Variants in OR11A1 observed in about 807,000 individuals in gnomAD.
The protein encoded by OR11A1 is olfactory receptor 11A1.
For missense variants in OR11A1, 380 were observed against 378.2 expected (o/e 1.00, Z -0.04); for synonymous variants, 158 against 152.2 (o/e 1.04, Z -0.28).
chr6:29,426,343 A>G lies in OR11A1; in HGVS notation c.*351T>C, dbSNP rs921036661. On this transcript the variant is annotated 3_prime_UTR_variant, in exon 5 of 5. Coordinates refer to ENST00000377149, the MANE Select transcript of OR11A1 (RefSeq NM_001394828.1). ...AGCTAAATTATGAAAACATATGGAT[A>G]CATAGAGGGGAACAACACACTGAAT... 5.4e-5 allele frequency: 12 copies of G among 221,416 alleles called. No individual in the cohort carries two copies. Among genetic ancestry groups the G allele is most frequent in the African/African-American group, 2.7e-4 (12 of 44,064 alleles). The allele number at this position is 221,416 out of a possible 1,614,324, so 13.7% of individuals were successfully genotyped here.
chr6:29,456,801 C>T (rs1786378441), intron 1 of OR11A1, among the ~76,000 whole-genome samples, 186 bp downstream of exon 1: 2 of 152,168 alleles, frequency 1.3e-5, no homozygotes. Flanking sequence ...TTTCTATGGG[C>T]CAGCAATTCA....
intron 1 of OR11A1, among the ~76,000 whole-genome samples, chr6:29,436,962 C>T (rs1341110015): frequency 6.6e-6 from 1 of 152,226 alleles, no homozygotes; most frequent in Non-Finnish European, 1.5e-5. Flanking sequence ...GCAGCGGCTG[C>T]TTTCGAAAAG....
chr6:29,431,658 T>A (rs570751794), intron 2 of OR11A1, among the ~76,000 whole-genome samples: 3 of 152,190 alleles, frequency 2.0e-5, no homozygotes, highest in African/African-American at 7.2e-5. Flanking sequence ...TTTAAAAACA[T>A]CCAATGGAGA....
chr6:29,451,593 A>G (rs1370850852), intron 1 of OR11A1, among the ~76,000 whole-genome samples: 1 of 152,238 alleles, frequency 6.6e-6, no homozygotes, highest in African/African-American at 2.4e-5. Flanking sequence ...AAAATGCCCA[A>G]TATCACTATT....
At chr6:29,455,497 T>G (rs1785993593) in intron 1 of OR11A1, among the ~76,000 whole-genome samples, 1 of 152,208 alleles carries the variant, frequency 6.6e-6, no homozygotes, top group African/African-American at 2.4e-5. Context: ...GTTGACAACA[T>G]TGTATTATAT....
chr6:29,427,590 CAAG>C lies in OR11A1; in HGVS notation c.49_51del (p.Leu17del). ...TGCAGTTCAGGGATGTCATAGAAGC[CAAG>C]GAGGACAAATTCAGTAATAGTTTCG... is the stretch of plus-strand genomic sequence containing the variant. On this transcript the variant is annotated inframe_deletion, in exon 5 of 5. Transcript: ENST00000377149. 6.2e-7 allele frequency: 1 copy of C among 1,612,784 alleles called. No homozygotes were observed. Among genetic ancestry groups the C allele is most frequent in the Non-Finnish European group, 8.5e-7 (1 of 1,179,938 alleles).
At chr6:29,455,636 G>T (rs1018481165) in intron 1 of OR11A1, among the ~76,000 whole-genome samples, 1 of 152,076 alleles carries the variant, frequency 6.6e-6, no homozygotes, top group African/African-American at 2.4e-5. Flanking sequence ...CATCATTTGG[G>T]AGGCCGAGGC....
At chr6:29,427,996 A>G (rs1182592009) in intron 4 of OR11A1, among the ~76,000 whole-genome samples, 1 of 152,202 alleles carries the variant, frequency 6.6e-6, no homozygotes, top group Non-Finnish European at 1.5e-5. Flanking sequence ...CTGTATAGTC[A>G]GCCATAGCCT....
chr6:29,440,212 C>T (rs748281764), intron 1 of OR11A1: 7 of 1,613,932 alleles, frequency 4.3e-6, no homozygotes, highest in South Asian at 3.3e-5. Flanking sequence ...CGCACCCTCT[C>T]GGCCTTGGAG....
At chr6:29,440,601 C>A in intron 1 of OR11A1, 1 of 1,613,980 alleles carries the variant, frequency 6.2e-7, no homozygotes, top group East Asian at 2.2e-5. Flanking sequence ...GCTTAATGAA[C>A]TGCAGATTAT....
intron 1 of OR11A1, among the ~76,000 whole-genome samples, chr6:29,433,607 A>T (rs1208074039): frequency 6.6e-6 from 1 of 152,080 alleles, no homozygotes; most frequent in Non-Finnish European, 1.5e-5. Flanking sequence ...TTTATTCCAC[A>T]TCTTGGCTAT....
At chr6:29,435,434 C>T (rs1472655253) in intron 1 of OR11A1, among the ~76,000 whole-genome samples, 1 of 152,112 alleles carries the variant, frequency 6.6e-6, no homozygotes, top group Non-Finnish European at 1.5e-5. Context: ...TCAGTAATTC[C>T]AGTTGGAAAA....
chr6:29,437,849 A>G (rs896642683), intron 1 of OR11A1, among the ~76,000 whole-genome samples: 1 of 152,242 alleles, frequency 6.6e-6, no homozygotes, highest in Non-Finnish European at 1.5e-5. Context: ...CTCTGGGAGT[A>G]GATGACTGAT....
At chr6:29,449,917 C>T (rs1485446616) in intron 1 of OR11A1, among the ~76,000 whole-genome samples, 1 of 152,140 alleles carries the variant, frequency 6.6e-6, no homozygotes, top group Non-Finnish European at 1.5e-5. Flanking sequence ...TATTACAAGC[C>T]TGAGTCACCG....
At chr6:29,448,684 A>T (rs1484356282) in intron 1 of OR11A1, among the ~76,000 whole-genome samples, 1 of 152,174 alleles carries the variant, frequency 6.6e-6, no homozygotes, top group Non-Finnish European at 1.5e-5. Context: ...ATGAATTCTT[A>T]TTCCTTTTCA....
rs143307828 is a variant in OR11A1, at chr6:29,440,620, C to T, written c.-388-8633G>A. The T allele has an allele frequency of 2.1e-3, 3,421 of 1,614,022 alleles. 8 individuals are homozygous for T. The highest frequency in any genetic ancestry group is 2.6e-3 in the Non-Finnish European group (3,109 of 1,179,956). On this transcript the variant is annotated intron_variant, in intron 1 of 4. Transcript: ENST00000377149. ...AATGAACTGCAGATTATCCTGGCAA[C>T]AGCCCTCCTCATCCTCTGCCCCTTT... is the stretch of plus-strand genomic sequence containing the variant.
intron 4 of OR11A1, chr6:29,428,541 G>A (rs1377341437): frequency 3.1e-5 from 7 of 223,304 alleles, no homozygotes; most frequent in Non-Finnish European, 3.7e-5. Context: ...GGATCACGAG[G>A]TCAGGAGATC....
At chr6:29,428,631 C>T (rs1561772783) in intron 4 of OR11A1, among the ~76,000 whole-genome samples, 2 of 151,948 alleles carry the variant, frequency 1.3e-5, no homozygotes, top group Admixed American at 6.5e-5. Flanking sequence ...GTGGCGGGCG[C>T]CTGTAGTCCC....
At chr6:29,430,512 A>G in intron 2 of OR11A1, 87 bp from the exon 3 acceptor site, 6 of 858,584 alleles carry the variant, frequency 7.0e-6, no homozygotes, top group Non-Finnish European at 8.4e-6. Context: ...CTGGAAATCA[A>G]GAGTATCATT....
Sources: allele counts gnomAD v4.1 joint callset (sites outside exome capture counted in the v4.1 genomes callset), GRCh38; gene constraint gnomAD v4.1.1; transcripts MANE v1.5; gene names NCBI Gene and HGNC (gene_info 2026-07-23, HGNC 2026-07-21).